DNM3: variants seen among roughly 807,000 people sequenced by gnomAD.
The protein encoded by DNM3 is dynamin-3.
A neutral mutation model predicts 101.6 loss-of-function variants in DNM3; 47 were observed. The ratio of observed to expected loss-of-function variants is 0.46; its 90% confidence interval spans 0.37 to 0.59. The LOEUF (loss-of-function observed/expected upper bound fraction) is 0.59, where lower values mean the gene tolerates loss of function less well. DNM3 is among the 20% of genes least tolerant of loss of function. The probability of loss-of-function intolerance (pLI) is 0.00; values close to 1 mark genes in which losing one functional copy is unlikely to be tolerated. For missense variants in DNM3, 849 were observed against 1,085.7 expected (o/e 0.78, Z 3.06); for synonymous variants, 385 against 387.9 (o/e 0.99, Z 0.09).
chr1:172,007,839 C>T (rs1259647279), intron 4 of DNM3, among the ~76,000 whole-genome samples: 3 of 152,078 alleles, frequency 2.0e-5, no homozygotes, highest in Non-Finnish European at 2.9e-5. Flanking sequence ...AATCATGGCT[C>T]ACTGCAGCCT....
chr1:172,415,829 C>CT (rs1037950653), downstream of DNM3, among the ~76,000 whole-genome samples: 27 of 152,130 alleles, frequency 1.8e-4, no homozygotes, highest in Admixed American at 3.9e-4. Context: ...TGCACCTGGC[C>CT]TTTTTTGTGA....
rs531894814 is a variant in DNM3, at chr1:172,315,992, G to A, written c.1881+7153G>A. 9.9e-5 allele frequency among the ~76,000 whole-genome samples: 15 copies of A among 152,232 alleles called. No individual in the cohort carries two copies. The South Asian group carries it at 3.1e-3, about 32-fold the overall frequency. On this transcript the variant is annotated intron_variant, in intron 16 of 20. Transcript: ENST00000627582. ...AGTGTTAAGGGCAGCCAGAGAGAAA[G>A]GTCGGGTTACCCACAAAGGGAAGCC...
chr1:171,973,476 T>C (rs2044159169), intron 2 of DNM3, among the ~76,000 whole-genome samples: 1 of 152,148 alleles, frequency 6.6e-6, no homozygotes, highest in Non-Finnish European at 1.5e-5. Context: ...TATGAATTTG[T>C]TGAGACCCTA....
intron 13 of DNM3, among the ~76,000 whole-genome samples, chr1:172,093,936 T>G (rs1269663239): frequency 1.3e-5 from 2 of 152,222 alleles, no homozygotes; most frequent in Non-Finnish European, 2.9e-5. Flanking sequence ...GATTGAAAGG[T>G]ATGAACTAGT....
intron 15 of DNM3, among the ~76,000 whole-genome samples, chr1:172,260,206 T>C (rs928640634): frequency 6.6e-6 from 1 of 152,128 alleles, no homozygotes; most frequent in Non-Finnish European, 1.5e-5. Context: ...TCTGATGGGG[T>C]TCCTTTATAT....
At chr1:171,901,045 GGAGCTTGCAGTGAGCCGA>G (rs1240962058) in intron 1 of DNM3, among the ~76,000 whole-genome samples, 1 of 147,186 alleles carries the variant, frequency 6.8e-6, no homozygotes, top group African/African-American at 2.5e-5. Context: ...CCCGGGAGGT[GGAGCTTGCAGTGAGCCGA>G]GAGCGCGCCA....
At chr1:172,178,966 A>G (rs1423080781) in intron 14 of DNM3, among the ~76,000 whole-genome samples, 1 of 151,944 alleles carries the variant, frequency 6.6e-6, no homozygotes, top group Admixed American at 6.6e-5. Flanking sequence ...CCTCTAGTCT[A>G]AAATATAAGG....
At chr1:172,036,162 C>G (rs1402670524) in intron 6 of DNM3, among the ~76,000 whole-genome samples, 2 of 116,380 alleles carry the variant, frequency 1.7e-5, no homozygotes, top group African/African-American at 3.3e-5. Context: ...CCCCTCCCCC[C>G]ACCCCACAAC....
chr1:172,199,669 C>T (rs1558715698), intron 14 of DNM3, among the ~76,000 whole-genome samples: 1 of 151,966 alleles, frequency 6.6e-6, no homozygotes, highest in African/African-American at 2.4e-5. Flanking sequence ...CCCTTCTTGT[C>T]TTTTTTGATA....
At chr1:172,172,580 G>A (rs761725554) in intron 14 of DNM3, among the ~76,000 whole-genome samples, 9 of 151,528 alleles carry the variant, frequency 5.9e-5, no homozygotes, top group Non-Finnish European at 1.2e-4. Flanking sequence ...AGTAAAACTT[G>A]GGGAAAGCAA....
chr1:172,067,988 T>A (rs772067508), intron 10 of DNM3, among the ~76,000 whole-genome samples: 8 of 152,202 alleles, frequency 5.3e-5, no homozygotes, highest in Non-Finnish European at 1.2e-4. Context: ...TGTTTAGTCA[T>A]GGGCATGAGT....
chr1:171,973,959 G>A lies in DNM3; in HGVS notation c.236-13697G>A, dbSNP rs113622300. 9.7e-3 allele frequency among the ~76,000 whole-genome samples: 1,479 copies of A among 151,878 alleles called. 25 individuals are homozygous for A. The highest frequency in any genetic ancestry group is 0.032 in the African/African-American group (1,326 of 41,440). On this transcript the variant is annotated intron_variant, in intron 2 of 20. Transcript: ENST00000627582. The stretch of plus-strand genomic sequence containing the variant: ...AGATTATAGGCATGAGCCACCACTC[G>A]TCGCCCAAAGTCTTAATCACTAGTG...
At chr1:171,966,652 T>C (rs1033749386) in intron 2 of DNM3, among the ~76,000 whole-genome samples, 8 of 152,308 alleles carry the variant, frequency 5.3e-5, no homozygotes, top group Non-Finnish European at 1.0e-4. Context: ...TCATACACAT[T>C]CAGAAGTTTG....
chr1:172,241,110 C>G (rs1421459413), intron 14 of DNM3, among the ~76,000 whole-genome samples: 1 of 151,884 alleles, frequency 6.6e-6, no homozygotes, highest in Non-Finnish European at 1.5e-5. Context: ...TTCTGTTCTA[C>G]TATTTTCTGT....
chr1:172,336,850 G>A (rs967971228), intron 17 of DNM3, among the ~76,000 whole-genome samples: 3 of 152,152 alleles, frequency 2.0e-5, no homozygotes, highest in Admixed American at 1.3e-4. Context: ...CTAGTTGGGT[G>A]ACTTTGTGCA....
chr1:171,968,367 C>T (rs896759503), intron 2 of DNM3, among the ~76,000 whole-genome samples: 2 of 152,098 alleles, frequency 1.3e-5, no homozygotes, highest in Non-Finnish European at 2.9e-5. Context: ...GGCAACTCCT[C>T]ATTTTACAAA....
At chr1:171,946,455 A>G (rs890385063) in intron 2 of DNM3, among the ~76,000 whole-genome samples, 4 of 152,104 alleles carry the variant, frequency 2.6e-5, no homozygotes, top group African/African-American at 9.7e-5. Context: ...TAGCTTTGTG[A>G]CAATGTCTAT....
chr1:172,035,091 G>A (rs1427148872), intron 6 of DNM3, among the ~76,000 whole-genome samples: 2 of 152,054 alleles, frequency 1.3e-5, no homozygotes, highest in South Asian at 2.1e-4. Context: ...AAAAAGGGGC[G>A]GGTTTGAGAA....
intron 2 of DNM3, among the ~76,000 whole-genome samples, chr1:171,982,834 T>C (rs1188055214): frequency 6.6e-6 from 1 of 152,158 alleles, no homozygotes; most frequent in Non-Finnish European, 1.5e-5. Flanking sequence ...ACAAATATGA[T>C]CAATCTCTAC....
Sources: gnomAD v4.1 joint callset for allele counts (sites outside exome capture counted in the v4.1 genomes callset) on GRCh38, gnomAD v4.1.1 for gene constraint, MANE v1.5 for transcripts, NCBI Gene and HGNC (gene_info 2026-07-23, HGNC 2026-07-21) for gene names.